ZNF215: variants seen among roughly 807,000 people sequenced by gnomAD.
ZNF215 encodes the protein zinc finger protein 215.
In ZNF215, 24 loss-of-function variants were observed where a neutral mutation model predicts 27.2. The observed-to-expected ratio is 0.88, with a 90% CI of 0.64 to 1.24. The LOEUF (loss-of-function observed/expected upper bound fraction) is 1.24. Among genes scored for constraint, ZNF215 ranks in the 50% most tolerant of loss-of-function variants. The probability of loss-of-function intolerance (pLI) is 0.00; values close to 1 mark genes in which losing one functional copy is unlikely to be tolerated. For missense variants in ZNF215, 675 were observed against 605.7 expected (o/e 1.11, Z -1.20); for synonymous variants, 210 against 204.0 (o/e 1.03, Z -0.25).
exon 6 of ZNF215, chr11:6,984,301 G>T: frequency 4.1e-6 from 1 of 245,944 alleles, no homozygotes; most frequent in Non-Finnish European, 8.1e-6. Context: ...TAGAAATGGG[G>T]TTTCACCATG....
In ZNF215 at chr11:6,942,981, C is replaced by G. The variant is rs1354169424; in HGVS notation, c.484-102C>G. On this transcript the variant is annotated intron_variant, in intron 4 of 6. Coordinates refer to ENST00000278319, the MANE Select transcript of ZNF215 (RefSeq NM_013250.4). The stretch of plus-strand genomic sequence containing the variant: ...TCCTCAGACATTGTCCTATCAATTT[C>G]TGGTGTATTCTGGCTCCTACCCTAT... 2.7e-6 allele frequency: 4 copies of G among 1,472,480 alleles called. No homozygotes were observed. In the African/African-American group the frequency reaches 4.2e-5, roughly 16 times the overall value. The allele number at this position is 1,472,480 out of a possible 1,614,324, so 91.2% of individuals were successfully genotyped here. A position where few individuals can be genotyped will look rare whatever the true frequency, so the allele number is the denominator to read the frequency against.
chr11:6,933,309 G>A (rs567015243), intron 3 of ZNF215, among the ~76,000 whole-genome samples: 6 of 152,262 alleles, frequency 3.9e-5, no homozygotes, highest in South Asian at 2.1e-4. Flanking sequence ...TTTGGGAGTG[G>A]GGGAGAAGGT....
chr11:6,993,986 T>C (rs1360283055), intron 6 of ZNF215, among the ~76,000 whole-genome samples: 1 of 152,112 alleles, frequency 6.6e-6, no homozygotes, highest in Non-Finnish European at 1.5e-5. Flanking sequence ...TTTAGCATTT[T>C]TGTGCTTTTT....
chr11:6,970,763 A>G (rs1850703217), intron 5 of ZNF215, among the ~76,000 whole-genome samples: 1 of 152,202 alleles, frequency 6.6e-6, no homozygotes, highest in Non-Finnish European at 1.5e-5. Flanking sequence ...GTCAGTGTGC[A>G]GATACCTACT....
At chr11:6,988,650 A>G (rs1243595928), downstream of ZNF215, 1 of 152,154 alleles carries the variant, frequency 6.6e-6, no homozygotes, top group African/African-American at 2.4e-5. Context: ...AGCAAACAAG[A>G]TAGAATTAAA....
At chr11:6,962,954 G>A (rs1850546683), downstream of ZNF215, among the ~76,000 whole-genome samples, 1 of 152,018 alleles carries the variant, frequency 6.6e-6, no homozygotes, top group Non-Finnish European at 1.5e-5. Context: ...ATAAGTCCTT[G>A]TTTCTGAAGG....
In ZNF215 at chr11:6,956,080, G is replaced by T; in HGVS notation, c.1103G>T (p.Arg368Leu). The T allele has an allele frequency of 6.2e-7, 1 of 1,611,678 alleles. No individual in the cohort carries two copies. Among genetic ancestry groups the T allele is most frequent in the South Asian group, 1.1e-5 (1 of 90,326 alleles). ...GACTTGAGTTTGAGTACAGATATTCGACACCAAAAAAGTCATACTACAATG... is the reference window on the plus strand; with the variant it reads ...GACTTGAGTTTGAGTACAGATATTCTACACCAAAAAAGTCATACTACAATG... ...GNDLSLSTDI[R>L]HQKSHTTMNS... is the part of the protein sequence containing the mutation. The change falls in exon 7 of 7, where the codon CGA becomes CTA. Residue 368 changes from arginine to leucine, a missense_variant. By Grantham distance (102) the Arg-to-Leu change is moderately radical. Coordinates refer to ENST00000278319, the MANE Select transcript of ZNF215 (RefSeq NM_013250.4).
chr11:6,935,089 A>C (rs903908124), intron 3 of ZNF215, among the ~76,000 whole-genome samples: 3 of 152,216 alleles, frequency 2.0e-5, no homozygotes, highest in African/African-American at 7.2e-5. Context: ...GTATTTTTCA[A>C]AAACATTTCA....
chr11:6,936,080 G>T (rs1849426778), intron 3 of ZNF215, among the ~76,000 whole-genome samples: 1 of 151,936 alleles, frequency 6.6e-6, no homozygotes, highest in South Asian at 2.1e-4. Context: ...ACATTAAAAA[G>T]ATCTCAACCC....
intron 5 of ZNF215, among the ~76,000 whole-genome samples, chr11:6,965,059 C>G (rs917327047): frequency 3.9e-5 from 6 of 152,074 alleles, no homozygotes; most frequent in African/African-American, 1.4e-4. Flanking sequence ...TGGGTCTTTA[C>G]ATGCATCATT....
At chr11:6,969,811 C>T (rs545468754) in intron 5 of ZNF215, among the ~76,000 whole-genome samples, 25 of 152,216 alleles carry the variant, frequency 1.6e-4, no homozygotes, top group African/African-American at 5.5e-4. Flanking sequence ...GACGGATTCT[C>T]GCTTTGTTGC....
At chr11:6,959,941 TC>T (rs1475780221), downstream of ZNF215, among the ~76,000 whole-genome samples, 1 of 152,102 alleles carries the variant, frequency 6.6e-6, no homozygotes. Context: ...TGGAAACTAT[TC>T]AATATTTACA....
At chr11:6,961,573 G>A (rs1850518063), downstream of ZNF215, among the ~76,000 whole-genome samples, 1 of 152,054 alleles carries the variant, frequency 6.6e-6, no homozygotes, top group African/African-American at 2.4e-5. Context: ...TTTAATTGGT[G>A]CGGCAATTCT....
At chr11:6,985,004 C>G (rs1467321728), downstream of ZNF215, among the ~76,000 whole-genome samples, 1 of 152,048 alleles carries the variant, frequency 6.6e-6, no homozygotes, top group Non-Finnish European at 1.5e-5. Context: ...CTACTGAAAC[C>G]ATTCCAAAAA....
chr11:6,930,197 T>A (rs1849204818), intron 2 of ZNF215, among the ~76,000 whole-genome samples: 1 of 152,122 alleles, frequency 6.6e-6, no homozygotes, highest in South Asian at 2.1e-4. Context: ...AATCAACCAT[T>A]TCTCCAAGAA....
downstream of ZNF215, among the ~76,000 whole-genome samples, chr11:6,960,190 A>G (rs1284829522): frequency 6.6e-6 from 1 of 152,158 alleles, no homozygotes; most frequent in Non-Finnish European, 1.5e-5. Flanking sequence ...GACTCTTAAG[A>G]AATGTAACTC....
At chr11:6,974,307 A>T (rs1031552607) in intron 5 of ZNF215, among the ~76,000 whole-genome samples, 1 of 152,096 alleles carries the variant, frequency 6.6e-6, no homozygotes, top group Non-Finnish European at 1.5e-5. Flanking sequence ...GCCTTGTAGT[A>T]TAGTTTGAAG....
At chr11:6,933,554 G>A (rs948527712) in intron 3 of ZNF215, among the ~76,000 whole-genome samples, 6 of 152,024 alleles carry the variant, frequency 3.9e-5, no homozygotes, top group Non-Finnish European at 7.4e-5. Flanking sequence ...TTGGGAGGCC[G>A]AGGCGGGCAG....
rs747968463 is a variant in ZNF215, at chr11:6,955,696, A to T, written c.719A>T (p.Lys240Met). The change falls in exon 7 of 7, where the codon AAG (lysine) becomes ATG (methionine). Residue 240 changes from lysine (K) to methionine (M), a missense_variant. By Grantham distance (95) the Lys-to-Met change is moderately conservative. Transcript: ENST00000278319. The part of the protein sequence containing the change: ...EIPRKTIFDM[K>M]SISGEESSHG... ...ATTTTTTATTTCTCTTTAGACATGA[A>T]GAGTATTTCTGGAGAAGAATCATCC... 1 of 1,550,220 alleles carries T rather than the reference A, an allele frequency of 6.5e-7. No individual in the cohort carries two copies. Among genetic ancestry groups the T allele is most frequent in the African/African-American group, 1.4e-5 (1 of 72,126 alleles).
Sources: allele counts gnomAD v4.1 joint callset (sites outside exome capture counted in the v4.1 genomes callset), GRCh38; gene constraint gnomAD v4.1.1; transcripts MANE v1.5; gene names NCBI Gene and HGNC (gene_info 2026-07-23, HGNC 2026-07-21).